AMPH: variants seen among roughly 807,000 people sequenced by gnomAD.
AMPH encodes the protein amphiphysin.
In AMPH, 49 loss-of-function variants were observed where a neutral mutation model predicts 99.1. The observed-to-expected ratio is 0.49, with a 90% confidence interval of 0.39 to 0.63. The LOEUF (loss-of-function observed/expected upper bound fraction) is 0.63. Ranked by LOEUF, AMPH falls within the 20% of genes least tolerant of loss-of-function variation. AMPH has a pLI of 0.00. For missense variants in AMPH, 759 were observed against 863.4 expected, an observed-to-expected ratio of 0.88 and a Z score of 1.52; for synonymous variants, 314 against 317.3, an observed-to-expected ratio of 0.99 and a Z score of 0.11.
chr7:38,603,014 G>C (rs935090822), intron 1 of AMPH, among the ~76,000 whole-genome samples: 4 of 152,182 alleles, frequency 2.6e-5, no homozygotes, highest in African/African-American at 9.7e-5. Context: ...GACAACACCT[G>C]AATCAGGTCC....
At chr7:38,441,819 C>CATATATATCATATATATCATATATCAT (rs113890112) in intron 11 of AMPH, among the ~76,000 whole-genome samples, 1 of 70,672 alleles carries the variant, frequency 1.4e-5, no homozygotes, top group Non-Finnish European at 2.7e-5. Context: ...TCATATATAT[C>CATATATATCATATATATCATATATCAT]ATATATCATA....
intron 2 of AMPH, among the ~76,000 whole-genome samples, chr7:38,523,595 C>T (rs528239591): frequency 6.6e-6 from 1 of 152,228 alleles, no homozygotes; most frequent in African/African-American, 2.4e-5. Flanking sequence ...CAGTGAATAA[C>T]ATAGGAATCC....
At chr7:38,421,116 A>G (rs1785567201) in intron 16 of AMPH, 1 of 455,728 alleles carries the variant, frequency 2.2e-6, no homozygotes, top group South Asian at 1.6e-5. Context: ...TCTGCTTCAG[A>G]GAATACATAC....
At chr7:38,572,262 G>A (rs1303270800) in intron 1 of AMPH, among the ~76,000 whole-genome samples, 1 of 151,968 alleles carries the variant, frequency 6.6e-6, no homozygotes, top group Non-Finnish European at 1.5e-5. Flanking sequence ...TCTATGTTTA[G>A]ATACACAAAT....
At chr7:38,431,098 CCAAT>C (rs1786003056) in intron 13 of AMPH, among the ~76,000 whole-genome samples, 1 of 152,144 alleles carries the variant, frequency 6.6e-6, no homozygotes, top group African/African-American at 2.4e-5. Flanking sequence ...AGGTGTGTGA[CCAAT>C]CACCTAATTT....
intron 20 of AMPH, among the ~76,000 whole-genome samples, chr7:38,385,176 G>T (rs528038950): frequency 2.0e-5 from 3 of 152,194 alleles, no homozygotes; most frequent in Non-Finnish European, 4.4e-5. Flanking sequence ...TATAGCTAAT[G>T]CTTTGTACAT....
intron 1 of AMPH, among the ~76,000 whole-genome samples, chr7:38,560,614 A>AGATGGGTTATG (rs1435506196): frequency 6.6e-6 from 1 of 152,242 alleles, no homozygotes; most frequent in African/African-American, 2.4e-5. Context: ...CAGCACTGCT[A>AGATGGGTTATG]GATGGGTTAT....
At chr7:38,625,892 A>T (rs1301245004) in intron 1 of AMPH, among the ~76,000 whole-genome samples, 3 of 152,216 alleles carry the variant, frequency 2.0e-5, no homozygotes. Flanking sequence ...AACACTTAAG[A>T]TTTGTGCACT....
chr7:38,502,905 G>A (rs1789192876), intron 3 of AMPH, among the ~76,000 whole-genome samples: 1 of 152,192 alleles, frequency 6.6e-6, no homozygotes, highest in Non-Finnish European at 1.5e-5. Flanking sequence ...TGTTTTCTAA[G>A]TGTTTGGCCA....
At chr7:38,431,419 A>T (rs1786019310) in intron 13 of AMPH, among the ~76,000 whole-genome samples, 1 of 152,150 alleles carries the variant, frequency 6.6e-6, no homozygotes, top group African/African-American at 2.4e-5. Context: ...GCACTTTGGG[A>T]GGCCGAGGCG....
chr7:38,478,336 A>C (rs1330988838), intron 5 of AMPH, among the ~76,000 whole-genome samples: 2 of 152,142 alleles, frequency 1.3e-5, no homozygotes, highest in Non-Finnish European at 2.9e-5. Context: ...CAGATATTAA[A>C]ATATAAGTAC....
chr7:38,619,555 A>G (rs1156423844), intron 1 of AMPH, among the ~76,000 whole-genome samples: 1 of 152,212 alleles, frequency 6.6e-6, no homozygotes, highest in Non-Finnish European at 1.5e-5. Context: ...AGAACACTCT[A>G]CCCAACAACA....
At chr7:38,400,202 A>G (rs1469583515) in intron 17 of AMPH, among the ~76,000 whole-genome samples, 5 of 152,032 alleles carry the variant, frequency 3.3e-5, no homozygotes, top group African/African-American at 1.2e-4. Flanking sequence ...CAGTCTCCCG[A>G]GTAGCTGGGA....
chr7:38,505,558 T>C (rs944722366), intron 2 of AMPH, among the ~76,000 whole-genome samples: 2 of 152,200 alleles, frequency 1.3e-5, no homozygotes, highest in Non-Finnish European at 2.9e-5. Context: ...TGTTGAAACA[T>C]GCAGAAAGTT....
In AMPH at chr7:38,438,537, A is replaced by ATGAGC. The variant is rs1554336402; in HGVS notation, c.1018-2150_1018-2149insGCTCA. Among the ~76,000 whole-genome samples the ATGAGC allele has an allele frequency of 4.3e-3, 160 of 37,026 alleles. 1 individual carries two copies. Among genetic ancestry groups the ATGAGC allele is most frequent in the African/African-American group, 0.016 (142 of 8,688 alleles). 24.3% of individuals were successfully genotyped at this position (37,026 alleles called of 152,430 possible). ...ATTCTCAAAGTTCTGCAAGTTCTCC[A>ATGAGC]TAAAATTTTAGGTCATGGGAATATA... On this transcript the variant is annotated intron_variant, in intron 11 of 20. Coordinates refer to ENST00000356264, the MANE Select transcript of AMPH (RefSeq NM_001635.4).
At chr7:38,468,253 A>G (rs1787742207) in intron 7 of AMPH, among the ~76,000 whole-genome samples, 1 of 152,174 alleles carries the variant, frequency 6.6e-6, no homozygotes, top group Non-Finnish European at 1.5e-5. Flanking sequence ...TCTTCAATTA[A>G]AGTTAACACT....
chr7:38,571,116 AG>A (rs1791971689), intron 1 of AMPH, among the ~76,000 whole-genome samples: 1 of 74,618 alleles, frequency 1.3e-5, no homozygotes, highest in African/African-American at 6.0e-5. Flanking sequence ...TCATATATAC[AG>A]TATATATGAA....
At position 38,392,133 on chromosome 7, in the gene AMPH, C is replaced by T. The variant is rs1301715191; in HGVS notation, c.1609-116G>A. 4 of 1,032,720 alleles carry T rather than the reference C, an allele frequency of 3.9e-6. No individual in the cohort carries two copies. In the Admixed American group the frequency reaches 1.0e-4, roughly 26 times the overall value. The allele number at this position is 1,032,720 out of a possible 1,614,324, so 64.0% of individuals were successfully genotyped here. A position where few individuals can be genotyped will look rare whatever the true frequency, so the allele number is the denominator to read the frequency against. On this transcript the variant is annotated intron_variant, in intron 18 of 20. Transcript: ENST00000356264. ...AGCTGGGGCTGCCACTTCCATACTT[C>T]CCCACTAGCCAGACTCAGGTCTGGG...
chr7:38,599,032 A>G (rs997474008), intron 1 of AMPH, among the ~76,000 whole-genome samples: 1 of 152,140 alleles, frequency 6.6e-6, no homozygotes, highest in African/African-American at 2.4e-5. Flanking sequence ...ATTAATTTCT[A>G]TATAGTGCCT....
Sources: allele counts gnomAD v4.1 joint callset (sites outside exome capture counted in the v4.1 genomes callset), GRCh38; gene constraint gnomAD v4.1.1; transcripts MANE v1.5; gene names NCBI Gene and HGNC (gene_info 2026-07-23, HGNC 2026-07-21).